Variants in SH3D19 observed in about 807,000 individuals in gnomAD.
SH3D19 encodes the protein SH3 domain containing 19.
In SH3D19, 58 loss-of-function variants were observed where a neutral mutation model predicts 112.1. The observed-to-expected ratio is 0.52, with a 90% CI of 0.42 to 0.64. SH3D19 has a LOEUF of 0.64. Ranked by LOEUF, SH3D19 falls within the 30% of genes least tolerant of loss-of-function variation. The pLI is 0.00. For synonymous variants in SH3D19, 391 were observed against 448.5 expected (o/e 0.87, Z 1.62); for missense variants, 1,090 against 1,263.4 (o/e 0.86, Z 2.08).
chr4:151,128,279 C>T lies in SH3D19; in HGVS notation c.2820G>A (p.Lys940=), dbSNP rs901302563. 6.2e-7 allele frequency: 1 copy of T among 1,614,064 alleles called. No individual in the cohort carries two copies. Among genetic ancestry groups the T allele is most frequent in the African/African-American group, 1.3e-5 (1 of 74,912 alleles). The change falls in exon 18 of 20, where the codon AAG becomes AAA. Residue 940 remains lysine (K), a synonymous_variant. Coordinates refer to ENST00000604030, the MANE Select transcript of SH3D19 (RefSeq NM_001378122.1). Reference sequence around the variant, plus strand: ...CCAGAATCTGGATCCGGTCTCCCCTCTTGAATGATAAGTCATCACTGGTCT... The same window carrying T: ...CCAGAATCTGGATCCGGTCTCCCCTTTTGAATGATAAGTCATCACTGGTCT... ...TAETSDDLSF[K]RGDRIQILER...
intron 1 of SH3D19, among the ~76,000 whole-genome samples, chr4:151,312,129 T>C (rs1729516155): frequency 6.6e-6 from 1 of 152,150 alleles, no homozygotes; most frequent in Admixed American, 6.6e-5. Flanking sequence ...TATACATATA[T>C]AAAAACATCA....
intron 7 of SH3D19, among the ~76,000 whole-genome samples, chr4:151,174,234 C>T (rs947187081): frequency 1.3e-5 from 2 of 152,174 alleles, no homozygotes; most frequent in Non-Finnish European, 2.9e-5. Context: ...TGCATGACTT[C>T]CCATCTAAGA....
At chr4:151,285,531 C>A (rs185065495) in intron 1 of SH3D19, among the ~76,000 whole-genome samples, 1 of 152,160 alleles carries the variant, frequency 6.6e-6, no homozygotes, top group East Asian at 1.9e-4. Context: ...AATGAAGAAA[C>A]AACATATCAA....
chr4:151,289,219 A>G (rs990204125), intron 1 of SH3D19, among the ~76,000 whole-genome samples: 3 of 152,256 alleles, frequency 2.0e-5, no homozygotes, highest in African/African-American at 2.4e-5. Flanking sequence ...ACCTCGCCAT[A>G]TAACAAATTA....
intron 1 of SH3D19, among the ~76,000 whole-genome samples, chr4:151,284,841 T>A (rs1235861260): frequency 6.6e-6 from 1 of 152,222 alleles, no homozygotes; most frequent in East Asian, 1.9e-4. Flanking sequence ...TAGCCTTAGC[T>A]GAGCTGCTTG....
chr4:151,260,613 T>C (rs550708548), intron 1 of SH3D19, among the ~76,000 whole-genome samples: 1 of 152,354 alleles, frequency 6.6e-6, no homozygotes, highest in East Asian at 1.9e-4. Context: ...TTTTTAAAGT[T>C]AGAGGTGAGA....
At chr4:151,315,771 G>C (rs1302062689) in intron 1 of SH3D19, among the ~76,000 whole-genome samples, 1 of 151,980 alleles carries the variant, frequency 6.6e-6, no homozygotes, top group Non-Finnish European at 1.5e-5. Flanking sequence ...GAACAACACA[G>C]CAAGACCCCA....
At chr4:151,134,939 C>A in intron 15 of SH3D19, 135 bp downstream of exon 15, 1 of 629,660 alleles carries the variant, frequency 1.6e-6, no homozygotes, top group Non-Finnish European at 2.7e-6. Context: ...CCTCCCACCT[C>A]AGCCTCCCAA....
chr4:151,263,472 T>C (rs1772532013), intron 1 of SH3D19, among the ~76,000 whole-genome samples: 1 of 152,228 alleles, frequency 6.6e-6, no homozygotes, highest in Non-Finnish European at 1.5e-5. Flanking sequence ...TAGTTATCTA[T>C]TGCAGTACAA....
rs1394578583 is a variant in SH3D19, at chr4:151,174,112, C to A, written c.1534+558G>T. On this transcript the variant is annotated intron_variant, in intron 7 of 19. Transcript: ENST00000604030. Reference sequence around the variant, plus strand: ...GAAGATTAAAGGAACAACTTTGCAACATGTGGCTGGGTCCTCATTCCGTAC... The same window carrying A: ...GAAGATTAAAGGAACAACTTTGCAAAATGTGGCTGGGTCCTCATTCCGTAC... Among the ~76,000 whole-genome samples, 3 of 152,180 alleles carry A rather than the reference C, an allele frequency of 2.0e-5. No individual in the cohort carries two copies. The East Asian group carries it at 5.8e-4, about 29-fold the overall frequency.
At chr4:151,148,254 TACACACACAC>T (rs34219685) in intron 10 of SH3D19, 68 bp from the exon 11 acceptor site, 43 of 983,814 alleles carry the variant, frequency 4.4e-5, no homozygotes, top group African/African-American at 2.6e-4. Context: ...TGTCCTGTCT[TACACACACAC>T]ACACACACAC....
At chr4:151,164,032 G>A (rs541287287) in intron 8 of SH3D19, among the ~76,000 whole-genome samples, 4 of 152,018 alleles carry the variant, frequency 2.6e-5, no homozygotes, top group African/African-American at 9.7e-5. Flanking sequence ...CTTGCTACTT[G>A]GCTGAGAGCC....
At position 151,325,307 on chromosome 4, in the gene SH3D19, C is replaced by T; in HGVS notation, c.46G>A (p.Glu16Lys). ...RREDEEEELR[E>K]RRELGGQRRA... is the part of the protein sequence containing the mutation. ...CGCTGGCCACCAAGTTCGCGGCGCT[C>T]GCGTAGCTCTTCCTCCTCGTCCTCC... Residue 16 changes from glutamate (E) to lysine (K), a missense_variant, in exon 1 of 20, where the codon GAG (glutamate) becomes AAG (lysine). By Grantham distance (56) the Glu-to-Lys change is moderately conservative (BLOSUM62 1). Transcript: ENST00000604030. 1 of 1,219,560 alleles carries T rather than the reference C, an allele frequency of 8.2e-7. No homozygotes were observed. Among genetic ancestry groups the T allele is most frequent in the African/African-American group, 1.6e-5 (1 of 63,926 alleles). 75.5% of individuals were successfully genotyped at this position (1,219,560 alleles called of 1,614,324 possible). A position where few individuals can be genotyped will look rare whatever the true frequency, so the allele number is the denominator to read the frequency against.
In SH3D19 at chr4:151,157,427, T is replaced by TA. The variant is rs34435866; in HGVS notation, c.1755+1812dup. On this transcript the variant is annotated intron_variant, in intron 9 of 19. Transcript: ENST00000604030. ...GTTGGGATGGCTATTATCTAAAAGATAAAAAAAAAAAACAAATGCTGGCAA... is the reference window on the plus strand; with the variant it reads ...GTTGGGATGGCTATTATCTAAAAGATAAAAAAAAAAAAACAAATGCTGGCAA... Among the ~76,000 whole-genome samples the TA allele has an allele frequency of 8.8e-3, 1,293 of 146,330 alleles. 14 individuals carry two copies. The highest frequency in any genetic ancestry group is 0.028 in the African/African-American group (1,075 of 39,052).
intron 1 of SH3D19, among the ~76,000 whole-genome samples, chr4:151,299,246 A>G (rs1728092361): frequency 6.6e-6 from 1 of 152,248 alleles, no homozygotes; most frequent in African/African-American, 2.4e-5. Context: ...AGAAATCTGT[A>G]TCAACACATT....
At chr4:151,242,516 C>A (rs775152617) in intron 1 of SH3D19, among the ~76,000 whole-genome samples, 1 of 152,160 alleles carries the variant, frequency 6.6e-6, no homozygotes, top group Non-Finnish European at 1.5e-5. Context: ...ACTGCAGTCC[C>A]ATGATCCAGG....
chr4:151,300,571 T>A (rs1225969535), intron 1 of SH3D19: 1 of 151,488 alleles, frequency 6.6e-6, no homozygotes, highest in African/African-American at 2.4e-5. Context: ...GAGATTAGCA[T>A]GGCAAGGGTG....
chr4:151,282,989 A>G lies in SH3D19; in HGVS notation c.112+42252T>C. 5 of 709,388 alleles carry G rather than the reference A, an allele frequency of 7.0e-6. No individual in the cohort carries two copies. In the South Asian group the frequency reaches 9.7e-5, roughly 14 times the overall value. 43.9% of individuals were successfully genotyped at this position (709,388 alleles called of 1,614,324 possible). A position where few individuals can be genotyped will look rare whatever the true frequency, so the allele number is the denominator to read the frequency against. ...TACCAAAAGATCCACCCATAAGCAAATATGATTGGAAAGGCATTGTAAGCT... is the reference window on the plus strand; with the variant it reads ...TACCAAAAGATCCACCCATAAGCAAGTATGATTGGAAAGGCATTGTAAGCT... On this transcript the variant is annotated intron_variant, in intron 1 of 19. Transcript: ENST00000604030.
At chr4:151,304,887 TG>T (rs1344480052) in intron 1 of SH3D19, among the ~76,000 whole-genome samples, 2 of 152,174 alleles carry the variant, frequency 1.3e-5, no homozygotes, top group East Asian at 3.8e-4. Flanking sequence ...ACTGCCTGTC[TG>T]AGTACTGAAG....
Sources: gnomAD v4.1 joint callset for allele counts (sites outside exome capture counted in the v4.1 genomes callset) on GRCh38, gnomAD v4.1.1 for gene constraint, MANE v1.5 for transcripts, NCBI Gene and HGNC (gene_info 2026-07-23, HGNC 2026-07-21) for gene names.